The following CEP89 variants were observed in gnomAD, a reference collection of about 807,000 sequenced individuals.
CEP89 encodes the protein centrosomal protein 89.
In CEP89, 95 loss-of-function variants were observed where a neutral mutation model predicts 97.6. The observed-to-expected ratio is 0.97, with a 90% confidence interval of 0.82 to 1.15. The LOEUF (loss-of-function observed/expected upper bound fraction) is 1.15. Among genes scored for constraint, CEP89 ranks in the 50% most tolerant of loss-of-function variants. The probability of loss-of-function intolerance (pLI) is 0.00; values close to 1 mark genes in which losing one functional copy is unlikely to be tolerated. For missense variants in CEP89, 869 were observed against 947.7 expected (o/e 0.92, Z 1.09); for synonymous variants, 354 against 349.1 (o/e 1.01, Z -0.16).
chr19:32,917,826 G>A, intron 13 of CEP89: 1 of 983,606 alleles, frequency 1.0e-6, no homozygotes, highest in Non-Finnish European at 1.2e-6. Flanking sequence ...AGGAAGGAAG[G>A]ACACAGGGGA....
intron 17 of CEP89, among the ~76,000 whole-genome samples, chr19:32,883,631 C>T (rs1003284137): frequency 1.6e-4 from 24 of 152,112 alleles, no homozygotes; most frequent in African/African-American, 4.3e-4. Context: ...GCCAAGATCA[C>T]GCCACTGTAC....
At chr19:32,942,972 C>T (rs1464523228) in intron 5 of CEP89, among the ~76,000 whole-genome samples, 1 of 151,856 alleles carries the variant, frequency 6.6e-6, no homozygotes, top group Non-Finnish European at 1.5e-5. Context: ...CAGCCTCCAG[C>T]TGCCAGGCTC....
chr19:32,906,145 C>G (rs924054142), intron 14 of CEP89, among the ~76,000 whole-genome samples: 1 of 152,216 alleles, frequency 6.6e-6, no homozygotes, highest in African/African-American at 2.4e-5. Context: ...TTAGTTTACA[C>G]TGTGACATTC....
chr19:32,880,690 T>C (rs914483919), intron 18 of CEP89, among the ~76,000 whole-genome samples: 3 of 151,000 alleles, frequency 2.0e-5, no homozygotes, highest in African/African-American at 7.3e-5. Flanking sequence ...TCTGAAGATA[T>C]TTGGTAAATT....
chr19:32,899,049 T>G (rs144426952), intron 16 of CEP89, among the ~76,000 whole-genome samples: 2,456 of 151,416 alleles, frequency 0.016, 72 homozygotes, highest in African/African-American at 0.057. Flanking sequence ...TATGCATTAA[T>G]AAAAAGATAC....
chr19:32,915,293 G>GAAAAAAGAA (rs1296448305), intron 14 of CEP89, 44 bp downstream of exon 14: 1 of 1,465,534 alleles, frequency 6.8e-7, no homozygotes, highest in Non-Finnish European at 9.1e-7. Flanking sequence ...ACCCTGTCTC[G>GAAAAAAGAA]AAAAAAGAAA....
chr19:32,963,111 T>G (rs1467825126), intron 2 of CEP89, among the ~76,000 whole-genome samples: 1 of 152,128 alleles, frequency 6.6e-6, no homozygotes, highest in African/African-American at 2.4e-5. Context: ...ATCCCAGCAC[T>G]TTGGGAGGCC....
intron 15 of CEP89, among the ~76,000 whole-genome samples, chr19:32,900,321 C>T (rs1025546136): frequency 6.7e-6 from 1 of 148,980 alleles, no homozygotes; most frequent in Non-Finnish European, 1.5e-5. Context: ...TCATGGCTCA[C>T]TGTAACCTCC....
intron 1 of CEP89, 105 bp downstream of exon 1, chr19:32,971,731 G>A (rs569333659): frequency 6.4e-6 from 7 of 1,090,104 alleles, no homozygotes; most frequent in South Asian, 1.4e-5. Flanking sequence ...CTCTTGTGCC[G>A]CCCCCTTGAC....
intron 18 of CEP89, among the ~76,000 whole-genome samples, chr19:32,880,774 T>C (rs1969265500): frequency 6.6e-6 from 1 of 152,054 alleles, no homozygotes; most frequent in Non-Finnish European, 1.5e-5. Context: ...AAATGAAGCC[T>C]AAACTGAAAC....
intron 13 of CEP89, 115 bp from the exon 14 acceptor site, chr19:32,915,632 T>C: frequency 1.0e-6 from 1 of 1,003,504 alleles, no homozygotes; most frequent in Non-Finnish European, 1.5e-6. Flanking sequence ...CTTTTAAAGA[T>C]CTTTTGAGCC....
chr19:32,888,318 C>T (rs903263258), intron 16 of CEP89, among the ~76,000 whole-genome samples: 4 of 152,114 alleles, frequency 2.6e-5, no homozygotes, highest in African/African-American at 9.7e-5. Context: ...CATTTGAAGT[C>T]GAATGATTTA....
intron 3 of CEP89, among the ~76,000 whole-genome samples, chr19:32,956,936 G>A (rs1290718908): frequency 6.6e-6 from 1 of 152,084 alleles, no homozygotes; most frequent in Non-Finnish European, 1.5e-5. Flanking sequence ...TCATTCATTA[G>A]GAATTTATTT....
intron 7 of CEP89, chr19:32,937,402 C>T (rs977056288): frequency 7.9e-6 from 4 of 506,088 alleles, no homozygotes; most frequent in African/African-American, 5.9e-5. Context: ...GCATATCCCA[C>T]AGGTCCACGT....
intron 3 of CEP89, among the ~76,000 whole-genome samples, chr19:32,954,151 G>A (rs1050598497): frequency 1.3e-5 from 2 of 152,002 alleles, no homozygotes; most frequent in African/African-American, 4.8e-5. Flanking sequence ...GGGATTACAG[G>A]CGTGAGCCAC....
Position 32,959,941 on chromosome 19 carries a change from G to A in CEP89, c.264C>T (p.Ser88=), listed in dbSNP as rs1426054048. 1 of 1,614,238 alleles carries A rather than the reference G, an allele frequency of 6.2e-7. No homozygotes were observed. Among genetic ancestry groups the A allele is most frequent in the African/African-American group, 1.3e-5 (1 of 75,056 alleles). The change falls in exon 3 of 19, where the codon AGC becomes AGT. Residue 88 remains serine (S), a synonymous_variant. Transcript: ENST00000305768. ...ESDVSSVEQD[S]FIEPYATTSQ... is the part of the protein sequence containing the mutation. Reference sequence around the variant, plus strand: ...AGGTGGTGGCATAGGGCTCGATGAAGCTGTCCTGTTCAACACTGCTCACAT... The same window carrying A: ...AGGTGGTGGCATAGGGCTCGATGAAACTGTCCTGTTCAACACTGCTCACAT...
At chr19:32,883,328 T>A (rs1969325832) in intron 17 of CEP89, among the ~76,000 whole-genome samples, 1 of 152,148 alleles carries the variant, frequency 6.6e-6, no homozygotes, top group African/African-American at 2.4e-5. Context: ...TTTTTGATTT[T>A]GCTTATTAAT....
chr19:32,885,389 T>C (rs957254700), intron 17 of CEP89, among the ~76,000 whole-genome samples: 4 of 152,190 alleles, frequency 2.6e-5, no homozygotes, highest in African/African-American at 7.2e-5. Flanking sequence ...GGCACGAACA[T>C]AGCTCACTGC....
rs1354166037 is a variant in CEP89 at position 32,876,285 on chromosome 19, A to T, written c.*2877T>A. On this transcript the variant is annotated 3_prime_UTR_variant, in exon 19 of 19. Coordinates refer to ENST00000305768, the MANE Select transcript of CEP89 (RefSeq NM_032816.5). Reference sequence around the variant, plus strand: ...TCACCATGCCCAGGGCTGCTTTTAAATAATGGCAAAGCCAGCAAGGCTCAC... The same window carrying T: ...TCACCATGCCCAGGGCTGCTTTTAATTAATGGCAAAGCCAGCAAGGCTCAC... 2.0e-5 allele frequency: 3 copies of T among 152,294 alleles called. No individual in the cohort carries two copies. The highest frequency in any genetic ancestry group is 2.0e-4 in the Admixed American group (3 of 15,266). The allele number at this position is 152,294 out of a possible 1,614,324, so 9.4% of individuals were successfully genotyped here.
Sources: gnomAD v4.1 joint callset for allele counts (sites outside exome capture counted in the v4.1 genomes callset) on GRCh38, gnomAD v4.1.1 for gene constraint, MANE v1.5 for transcripts, NCBI Gene and HGNC (gene_info 2026-07-23, HGNC 2026-07-21) for gene names.